The following VSTM4 variants were observed in gnomAD, a reference collection of about 807,000 sequenced individuals.
VSTM4 encodes the protein V-set and transmembrane domain-containing protein 4.
VSTM4 carries 20 observed loss-of-function variants against 36.4 expected under a neutral mutation model. The ratio of observed to expected loss-of-function variants is 0.55; its 90% CI spans 0.39 to 0.80. The LOEUF is 0.80. VSTM4 is among the 30% of genes least tolerant of loss of function. VSTM4 has a pLI of 0.00. For missense variants in VSTM4, 392 were observed against 404.5 expected, an observed-to-expected ratio of 0.97 and a Z score of 0.26; for synonymous variants, 182 against 173.9, an observed-to-expected ratio of 1.05 and a Z score of -0.37.
At position 49,014,247 on chromosome 10, in the gene VSTM4, C is replaced by G. The variant is rs1410779923; in HGVS notation, c.*5403G>C. 1 of 152,156 alleles carries G rather than the reference C, an allele frequency of 6.6e-6. No homozygotes were observed. Among genetic ancestry groups the G allele is most frequent in the Middle Eastern group, 3.2e-3 (1 of 316 alleles). The allele number at this position is 152,156 out of a possible 1,614,324, so 9.4% of individuals were successfully genotyped here. On this transcript the variant is annotated 3_prime_UTR_variant, in exon 8 of 8. Coordinates refer to ENST00000332853, the MANE Select transcript of VSTM4 (RefSeq NM_001031746.5). ...CTTTCTCCTCGTTGTTGATGGAGGA[C>G]GCTTGTAATAAAGTTTAATGTGGAA... is the stretch of plus-strand genomic sequence containing the variant.
Position 49,107,909 on chromosome 10 carries a change from CGTGGCAGAGGAGA to C in VSTM4, c.129_141del (p.Leu44SerfsTer27). ...CTGTCCTTCCGCCTTTTCTGGGAGA[CGTGGCAGAGGAGA>C]GTGGCATTCTCCCCCTCCAGGTAGT... On this transcript the variant is annotated frameshift_variant, in exon 2 of 8. Coordinates refer to ENST00000332853, the MANE Select transcript of VSTM4 (RefSeq NM_001031746.5). LOFTEE classifies it high-confidence loss of function. 1 of 1,613,946 alleles carries C rather than the reference CGTGGCAGAGGAGA, an allele frequency of 6.2e-7. No homozygotes were observed. Among genetic ancestry groups the C allele is most frequent in the Non-Finnish European group, 8.5e-7 (1 of 1,179,922 alleles).
intron 2 of VSTM4, among the ~76,000 whole-genome samples, chr10:49,088,641 G>C (rs1844417149): frequency 6.6e-6 from 1 of 152,246 alleles, no homozygotes; most frequent in South Asian, 2.1e-4. Context: ...AAAGCTTGAT[G>C]GCACTCTGGG....
intron 5 of VSTM4, among the ~76,000 whole-genome samples, chr10:49,058,553 C>G (rs1315054038): frequency 6.6e-6 from 1 of 152,158 alleles, no homozygotes; most frequent in Non-Finnish European, 1.5e-5. Context: ...GAGCATTCTG[C>G]CCTGGGAAAG....
At position 49,023,582 on chromosome 10, in the gene VSTM4, G is replaced by A. The variant is rs181920986; in HGVS notation, c.838-3807C>T. ...TGGTTGCAATGGGGCACAGCCTGACGAGGAGCCTGTTGCAAAGCCTCACCT... is the reference window on the plus strand; with the variant it reads ...TGGTTGCAATGGGGCACAGCCTGACAAGGAGCCTGTTGCAAAGCCTCACCT... On this transcript the variant is annotated intron_variant, in intron 7 of 7. Transcript: ENST00000332853. Among the ~76,000 whole-genome samples, 6 of 152,314 alleles carry A rather than the reference G, an allele frequency of 3.9e-5. No homozygotes were observed. The South Asian group carries it at 1.2e-3, about 32-fold the overall frequency.
intron 5 of VSTM4, among the ~76,000 whole-genome samples, chr10:49,056,880 A>G (rs997873459): frequency 3.9e-5 from 6 of 152,178 alleles, no homozygotes; most frequent in Non-Finnish European, 8.8e-5. Flanking sequence ...ATATTGGCTC[A>G]TGGTTCTGCA....
rs902868726 is a variant in VSTM4 at position 49,016,112 on chromosome 10, T to C, written c.*3538A>G. ...TAATTGGGCACCCTGGGTACTGATA[T>C]CAGTATTTTGTTTGTTTGTTTGTTT... On this transcript the variant is annotated 3_prime_UTR_variant, in exon 8 of 8. Coordinates refer to ENST00000332853, the MANE Select transcript of VSTM4 (RefSeq NM_001031746.5). 1.4e-4 allele frequency: 13 copies of C among 89,822 alleles called. No homozygotes were observed. The highest frequency in any genetic ancestry group is 4.8e-4 in the African/African-American group (13 of 27,190). 5.6% of individuals were successfully genotyped at this position (89,822 alleles called of 1,614,324 possible).
Position 49,015,216 on chromosome 10 carries a change from G to T in VSTM4, c.*4434C>A. On this transcript the variant is annotated 3_prime_UTR_variant, in exon 8 of 8. Coordinates refer to ENST00000332853, the MANE Select transcript of VSTM4 (RefSeq NM_001031746.5). ...GGCTCACTGCAAGCTCCGCCTCCCG[G>T]GTTCATGCCATTCTCCTGCCTCAGC... 1 of 151,050 alleles carries T rather than the reference G, an allele frequency of 6.6e-6. No homozygotes were observed. The highest frequency in any genetic ancestry group is 2.4e-5 in the African/African-American group (1 of 40,942). 9.4% of individuals were successfully genotyped at this position (151,050 alleles called of 1,614,324 possible). A position where few individuals can be genotyped will look rare whatever the true frequency, so the allele number is the denominator to read the frequency against.
chr10:49,043,065 G>C (rs1330186023), intron 7 of VSTM4, among the ~76,000 whole-genome samples: 1 of 152,100 alleles, frequency 6.6e-6, no homozygotes, highest in Non-Finnish European at 1.5e-5. Context: ...ATGAGAGAGA[G>C]GGATGGTCAT....
intron 2 of VSTM4, among the ~76,000 whole-genome samples, chr10:49,105,835 GTGTGTGTATATATATATATATATCT>G (rs1411283754): frequency 1.4e-5 from 2 of 140,098 alleles, no homozygotes; most frequent in East Asian, 3.9e-4. Flanking sequence ...TATCATATGT[GTGTGTGTATATATATATATATATCT>G]TGTGTGTATA....
At chr10:49,048,909 T>C (rs1311755691) in intron 5 of VSTM4, among the ~76,000 whole-genome samples, 1 of 152,234 alleles carries the variant, frequency 6.6e-6, no homozygotes, top group South Asian at 2.1e-4. Context: ...CATGGGTTGA[T>C]GGTTGACACC....
chr10:49,100,796 G>T (rs1172951401), intron 2 of VSTM4, among the ~76,000 whole-genome samples: 2 of 151,724 alleles, frequency 1.3e-5, no homozygotes, highest in Non-Finnish European at 2.9e-5. Flanking sequence ...GAATAGCTAA[G>T]AATTTAAAAA....
intron 7 of VSTM4, among the ~76,000 whole-genome samples, chr10:49,038,969 G>T (rs1453778258): frequency 1.3e-5 from 2 of 152,146 alleles, no homozygotes; most frequent in Admixed American, 1.3e-4. Context: ...GAGGGCCCAG[G>T]CCTCTCAGGA....
At chr10:49,024,535 T>C (rs1488933911) in intron 7 of VSTM4, among the ~76,000 whole-genome samples, 2 of 152,160 alleles carry the variant, frequency 1.3e-5, no homozygotes, top group African/African-American at 2.4e-5. Context: ...GGAATTTGGA[T>C]CTTAGTTTAA....
intron 5 of VSTM4, among the ~76,000 whole-genome samples, chr10:49,062,761 C>T (rs1843902248): frequency 6.6e-6 from 1 of 152,134 alleles, no homozygotes; most frequent in African/African-American, 2.4e-5. Context: ...TCCTGTAGGT[C>T]CTTGATGTCT....
chr10:49,065,531 G>A (rs1843958334), intron 4 of VSTM4, among the ~76,000 whole-genome samples: 1 of 152,180 alleles, frequency 6.6e-6, no homozygotes, highest in South Asian at 2.1e-4. Context: ...CTGTGCTATG[G>A]GGTTTGCCCT....
At chr10:49,067,562 A>T (rs551884945) in intron 4 of VSTM4, among the ~76,000 whole-genome samples, 1 of 152,364 alleles carries the variant, frequency 6.6e-6, no homozygotes, top group East Asian at 1.9e-4. Flanking sequence ...GGAGATTGCA[A>T]CAAAGACAGG....
intron 1 of VSTM4, 50 bp downstream of exon 1, chr10:49,115,381 G>A (rs2132035886): frequency 1.0e-6 from 1 of 994,806 alleles, no homozygotes. Context: ...CCCCGGCGCG[G>A]CCGCCCGGCC....
intron 1 of VSTM4, among the ~76,000 whole-genome samples, chr10:49,113,071 C>G (rs1254546086): frequency 6.6e-6 from 1 of 152,080 alleles, no homozygotes; most frequent in East Asian, 1.9e-4. Flanking sequence ...GGGATGTGCT[C>G]GTAGCTGTGT....
chr10:49,107,521 G>C (rs561405620), intron 2 of VSTM4, 73 bp downstream of exon 2: 46 of 1,520,388 alleles, frequency 3.0e-5, no homozygotes, highest in Middle Eastern at 1.9e-4. Flanking sequence ...GGAGCCCCTG[G>C]GTGGTGGCTG....
Sources: gnomAD v4.1 joint callset for allele counts (sites outside exome capture counted in the v4.1 genomes callset) on GRCh38, gnomAD v4.1.1 for gene constraint, MANE v1.5 for transcripts, NCBI Gene and HGNC (gene_info 2026-07-23, HGNC 2026-07-21) for gene names.